DCN: variants seen among roughly 807,000 people sequenced by gnomAD.
The protein encoded by DCN is bone proteoglycan II.
A neutral mutation model predicts 36.5 loss-of-function variants in DCN; 17 were observed. That is an observed-to-expected ratio of 0.47 (90% CI 0.32 to 0.70). The LOEUF (loss-of-function observed/expected upper bound fraction) is 0.70, where lower values mean the gene tolerates loss of function less well. Ranked by LOEUF, DCN falls within the 30% of genes least tolerant of loss-of-function variation. DCN has a pLI of 0.04. For missense variants in DCN, 389 were observed against 430.1 expected (o/e 0.90, Z 0.84); for synonymous variants, 163 against 161.4 (o/e 1.01, Z -0.07).
chr12:91,161,085 C>T (rs573544647), intron 3 of DCN, among the ~76,000 whole-genome samples: 2 of 152,060 alleles, frequency 1.3e-5, no homozygotes, highest in African/African-American at 2.4e-5. Flanking sequence ...ATGAATGAAA[C>T]AGTAAGAGAA....
At chr12:91,154,087 C>T (rs986852072) in intron 5 of DCN, among the ~76,000 whole-genome samples, 1 of 152,030 alleles carries the variant, frequency 6.6e-6, no homozygotes, top group Non-Finnish European at 1.5e-5. Flanking sequence ...AAAGTCTTGG[C>T]TATTTGTCTA....
At chr12:91,170,173 C>A (rs1376874669) in intron 2 of DCN, among the ~76,000 whole-genome samples, 1 of 151,986 alleles carries the variant, frequency 6.6e-6, no homozygotes, top group Non-Finnish European at 1.5e-5. Flanking sequence ...ATAAGCTATG[C>A]TACAAAATAA....
intron 2 of DCN, among the ~76,000 whole-genome samples, chr12:91,170,406 C>G (rs983912984): frequency 6.6e-6 from 1 of 152,100 alleles, no homozygotes; most frequent in African/African-American, 2.4e-5. Context: ...AGATCTTGGT[C>G]CTGAAATGTT....
chr12:91,164,223 G>GGGGGAA (rs1189008112), intron 3 of DCN, among the ~76,000 whole-genome samples: 1 of 151,830 alleles, frequency 6.6e-6, no homozygotes, highest in African/African-American at 2.4e-5. Context: ...TGGTGGGGTC[G>GGGGGAA]GGGGAAGGGG....
chr12:91,166,116 TA>T (rs1295121101), intron 2 of DCN, among the ~76,000 whole-genome samples: 1 of 152,156 alleles, frequency 6.6e-6, no homozygotes, highest in African/African-American at 2.4e-5. Context: ...CTTTTCCAAA[TA>T]TTTTTTTATT....
In DCN at chr12:91,144,733, A is replaced by G. The variant is rs1311288589; in HGVS notation, c.*1325T>C. 6.6e-6 allele frequency: 1 copy of G among 152,126 alleles called. No homozygotes were observed. Among genetic ancestry groups the G allele is most frequent in the Admixed American group, 6.5e-5 (1 of 15,270 alleles). The allele number at this position is 152,126 out of a possible 1,614,324, so 9.4% of individuals were successfully genotyped here. On this transcript the variant is annotated 3_prime_UTR_variant, in exon 8 of 8. Coordinates refer to ENST00000052754, the MANE Select transcript of DCN (RefSeq NM_001920.5). ...CTGTCTTGAATAGTGCCTCCCCACC[A>G]AATCTTGCTCTTGAACTATTATGCA...
intron 1 of DCN, chr12:91,180,291 G>GAAGA (rs1185339600): frequency 9.5e-6 from 1 of 105,328 alleles, no homozygotes; most frequent in Admixed American, 9.3e-5. Flanking sequence ...TTAAAAAAAA[G>GAAGA]AAGAAAGAAA....
chr12:91,174,138 G>A (rs1883149675), intron 2 of DCN, among the ~76,000 whole-genome samples: 1 of 152,084 alleles, frequency 6.6e-6, no homozygotes, highest in African/African-American at 2.4e-5. Context: ...ATACTTCATT[G>A]TTCTCAAATC....
chr12:91,178,708 T>G, intron 1 of DCN, 123 bp from the exon 2 acceptor site: 2 of 696,958 alleles, frequency 2.9e-6, no homozygotes, highest in Non-Finnish European at 5.1e-6. Flanking sequence ...TCATTTGTTA[T>G]CAGGAAGCAG....
Position 91,178,523 on chromosome 12 carries a change from A to T in DCN, c.30T>A (p.Leu10=). The change falls in exon 2 of 8, where the codon CTT becomes CTA. Residue 10 remains leucine (L), a synonymous_variant. Transcript: ENST00000052754. MKATIILLL[L]AQVSWAGPFQ... ...ACGGTCCAGCCCAGGAAACTTGTGC[A>T]AGCAGAAGGAGGATGATAGTGGCCT... The T allele has an allele frequency of 6.2e-7, 1 of 1,613,756 alleles. No homozygotes were observed. The highest frequency in any genetic ancestry group is 8.5e-7 in the Non-Finnish European group (1 of 1,179,940).
chr12:91,172,861 C>T (rs1420183663), intron 2 of DCN: 2 of 627,704 alleles, frequency 3.2e-6, no homozygotes, highest in South Asian at 3.8e-5. Context: ...TATTGCAATA[C>T]TTCTTTTCTA....
chr12:91,148,749 AT>A (rs1419252128), intron 7 of DCN, among the ~76,000 whole-genome samples: 20 of 147,864 alleles, frequency 1.4e-4, no homozygotes, highest in African/African-American at 4.4e-4. Context: ...AAAAAAAAAA[AT>A]TTGAAATATT....
At chr12:91,166,913 T>A (rs1446828356) in intron 2 of DCN, among the ~76,000 whole-genome samples, 1 of 152,148 alleles carries the variant, frequency 6.6e-6, no homozygotes, top group African/African-American at 2.4e-5. Flanking sequence ...ATTTCACATA[T>A]TTTTTATTAA....
Position 91,178,587 on chromosome 12 carries a change from T to C in DCN, c.-33-2A>G. ...CATGTATTTTCACAACCAGGGAACC[T>C]AGGAAACAAATGAGAGATTTAAGAA... On this transcript the variant is annotated splice_acceptor_variant, in intron 1 of 7. Transcript: ENST00000052754. LOFTEE classifies it low-confidence loss of function (5UTR_SPLICE). 1 of 1,579,978 alleles carries C rather than the reference T, an allele frequency of 6.3e-7. No homozygotes were observed. The highest frequency in any genetic ancestry group is 1.1e-5 in the South Asian group (1 of 90,274).
rs1423474495 is a variant in DCN at position 91,140,776 on chromosome 12, A to T, written c.*5282T>A. 6.6e-6 allele frequency: 1 copy of T among 152,226 alleles called. No homozygotes were observed. Among genetic ancestry groups the T allele is most frequent in the Non-Finnish European group, 1.5e-5 (1 of 68,044 alleles). The allele number at this position is 152,226 out of a possible 1,614,324, so 9.4% of individuals were successfully genotyped here. A position where few individuals can be genotyped will look rare whatever the true frequency, so the allele number is the denominator to read the frequency against. On this transcript the variant is annotated 3_prime_UTR_variant, in exon 8 of 8. Transcript: ENST00000052754. ...ATGCATCTCAAAAAGAACAGATTCA[A>T]AACCAGATATTTGATTCTCAGTTCT... is the stretch of plus-strand genomic sequence containing the variant.
intron 2 of DCN, among the ~76,000 whole-genome samples, chr12:91,168,992 C>T (rs529234269): frequency 2.0e-5 from 3 of 149,118 alleles, no homozygotes; most frequent in African/African-American, 7.3e-5. Flanking sequence ...AACAAATCCC[C>T]ATTCATAGAT....
intron 3 of DCN, among the ~76,000 whole-genome samples, chr12:91,161,770 G>A (rs1015888078): frequency 6.6e-5 from 10 of 152,112 alleles, no homozygotes; most frequent in South Asian, 2.1e-4. Flanking sequence ...TCTGCTGATC[G>A]TCTAAAACTC....
intron 6 of DCN, 72 bp downstream of exon 6, chr12:91,153,024 T>C: frequency 1.2e-6 from 1 of 847,524 alleles, no homozygotes; most frequent in Non-Finnish European, 2.1e-6. Flanking sequence ...ATCATGTTTA[T>C]AATTCTTATC....
chr12:91,171,522 C>A (rs1882954944), intron 2 of DCN, among the ~76,000 whole-genome samples: 1 of 152,140 alleles, frequency 6.6e-6, no homozygotes, highest in African/African-American at 2.4e-5. Context: ...CTCTAGGAAT[C>A]AATAGCCTGA....
Sources: gnomAD v4.1 joint callset for allele counts (sites outside exome capture counted in the v4.1 genomes callset) on GRCh38, gnomAD v4.1.1 for gene constraint, MANE v1.5 for transcripts, NCBI Gene and HGNC (gene_info 2026-07-23, HGNC 2026-07-21) for gene names.